The following ZSWIM6 variants were observed in gnomAD, a reference collection of about 807,000 sequenced individuals.
ZSWIM6 encodes zinc finger SWIM-type containing 6.
Under a neutral mutation model 113.2 loss-of-function variants are expected in ZSWIM6, and 9 were observed. The observed-to-expected ratio is 0.08, with a 90% CI of 0.05 to 0.14. The LOEUF (loss-of-function observed/expected upper bound fraction) is 0.14. Among genes scored for constraint, ZSWIM6 ranks in the 10% least tolerant of loss-of-function variants. The pLI is 1.00. For synonymous variants in ZSWIM6, 611 were observed against 606.5 expected, an observed-to-expected ratio of 1.01 and a Z score of -0.11; for missense variants, 1,162 against 1,552.2, an observed-to-expected ratio of 0.75 and a Z score of 4.22.
At chr5:61,411,666 T>G (rs1390639284) in intron 1 of ZSWIM6, among the ~76,000 whole-genome samples, 1 of 152,190 alleles carries the variant, frequency 6.6e-6, no homozygotes, top group Non-Finnish European at 1.5e-5. Flanking sequence ...AAGATCAAGG[T>G]GCCATCAGAT....
chr5:61,333,006 G>GT (rs1744298624), intron 1 of ZSWIM6, 58 bp downstream of exon 1: 1 of 684,872 alleles, frequency 1.5e-6, no homozygotes, highest in Non-Finnish European at 1.9e-6. Context: ...GGGTGGGGGG[G>GT]GGGTGCCCGC....
chr5:61,402,034 G>A (rs975716410), intron 1 of ZSWIM6, among the ~76,000 whole-genome samples: 4 of 151,830 alleles, frequency 2.6e-5, no homozygotes, highest in Non-Finnish European at 5.9e-5. Context: ...AGGGGTAAAA[G>A]GAGAGACTGA....
At position 61,504,034 on chromosome 5, in the gene ZSWIM6, T is replaced by C. The variant is rs59240787; in HGVS notation, c.1333+9624T>C. Among the ~76,000 whole-genome samples the C allele has an allele frequency of 1.1e-4, 16 of 152,314 alleles. No individual in the cohort carries two copies. In the East Asian group the frequency reaches 2.3e-3, roughly 22 times the overall value. ...ATGTGCCTGATATTATAATTGAAGC[T>C]CAGTAAATATTTGTGAATTAAAAAG... On this transcript the variant is annotated intron_variant, in intron 4 of 13. Coordinates refer to ENST00000252744, the MANE Select transcript of ZSWIM6 (RefSeq NM_020928.2).
chr5:61,475,104 A>G (rs1401950633), intron 2 of ZSWIM6, among the ~76,000 whole-genome samples: 1 of 152,220 alleles, frequency 6.6e-6, no homozygotes, highest in Non-Finnish European at 1.5e-5. Context: ...GCTAATGGTC[A>G]TCCCAGAGAT....
chr5:61,346,791 T>A (rs1264921621), intron 1 of ZSWIM6, among the ~76,000 whole-genome samples: 2 of 152,254 alleles, frequency 1.3e-5, no homozygotes, highest in African/African-American at 4.8e-5. Context: ...TTGTTTAAGC[T>A]GTTTCATAAA....
chr5:61,398,399 C>A (rs1745882078), intron 1 of ZSWIM6, among the ~76,000 whole-genome samples: 2 of 152,168 alleles, frequency 1.3e-5, no homozygotes, highest in Admixed American at 6.5e-5. Flanking sequence ...CCCCCTACCC[C>A]TAGTTCATGG....
chr5:61,429,068 A>C (rs555309442), intron 1 of ZSWIM6, among the ~76,000 whole-genome samples: 57 of 152,370 alleles, frequency 3.7e-4, no homozygotes, highest in African/African-American at 1.3e-3. Flanking sequence ...CATTTTATGT[A>C]AATGGCAGGG....
intron 4 of ZSWIM6, among the ~76,000 whole-genome samples, chr5:61,516,173 G>T (rs538434419): frequency 6.6e-6 from 1 of 151,058 alleles, no homozygotes; most frequent in South Asian, 2.1e-4. Context: ...TTATTGATGT[G>T]GTTGTTGAAT....
rs373808727 is a variant in ZSWIM6, at chr5:61,543,662, C to G, written c.2993C>G (p.Ser998Cys). 1.7e-5 allele frequency: 27 copies of G among 1,551,644 alleles called. No homozygotes were observed. The highest frequency in any genetic ancestry group is 2.3e-5 in the Non-Finnish European group (26 of 1,147,020). Residue 998 changes from serine to cysteine, a missense_variant, in exon 14 of 14, where the codon TCT (serine) becomes TGT (cysteine). This residue lies in a region of ZSWIM6 where 620 missense variants were observed against 804.6 expected (regional missense o/e 0.77). Transcript: ENST00000252744. The surrounding 1 kb of genome is among the most constrained non-coding windows in gnomAD (Gnocchi z 4.3). ...AAGGATCCACAGAACTGTGCCCTCT[C>G]TGCGCTAACCCTTTGTGAAAAGGAT... Reference protein sequence around the residue: ...AMKDPQNCALSALTLCEKDHI... With the variant: ...AMKDPQNCALCALTLCEKDHI...
chr5:61,445,265 A>G (rs371078295), intron 1 of ZSWIM6, among the ~76,000 whole-genome samples: 24 of 152,212 alleles, frequency 1.6e-4, no homozygotes, highest in South Asian at 2.1e-4. Flanking sequence ...CAGTCTTGGA[A>G]ATTCAGTATG....
chr5:61,384,247 CAA>C (rs57899277), intron 1 of ZSWIM6, among the ~76,000 whole-genome samples: 21,346 of 76,442 alleles, frequency 0.28, 1,081 homozygotes, highest in South Asian at 0.38. Flanking sequence ...GACTCCGTCT[CAA>C]AAAAAAAAAA....
intron 1 of ZSWIM6, among the ~76,000 whole-genome samples, chr5:61,356,796 A>G (rs1167820883): frequency 1.4e-5 from 2 of 141,834 alleles, no homozygotes; most frequent in African/African-American, 5.2e-5. Flanking sequence ...TTTATATATA[A>G]TATAAATATA....
At chr5:61,452,869 C>A (rs555729203) in intron 1 of ZSWIM6, among the ~76,000 whole-genome samples, 1 of 152,294 alleles carries the variant, frequency 6.6e-6, no homozygotes, top group East Asian at 1.9e-4. Context: ...TTTCTCCAGT[C>A]TACAACAACT....
chr5:61,455,061 T>G (rs1369075975), intron 1 of ZSWIM6, among the ~76,000 whole-genome samples: 1 of 152,048 alleles, frequency 6.6e-6, no homozygotes, highest in Non-Finnish European at 1.5e-5. Context: ...AAAAAATAGG[T>G]ATTTGTCTTG....
At chr5:61,438,023 A>G (rs773786257) in intron 1 of ZSWIM6, among the ~76,000 whole-genome samples, 8 of 152,146 alleles carry the variant, frequency 5.3e-5, no homozygotes, top group African/African-American at 1.4e-4. Flanking sequence ...CCTGCTGAGT[A>G]TGAAGGTTCA....
intron 1 of ZSWIM6, among the ~76,000 whole-genome samples, chr5:61,456,488 A>G (rs994697566): frequency 6.6e-6 from 1 of 152,230 alleles, no homozygotes; most frequent in Non-Finnish European, 1.5e-5. Context: ...TTATTCTTAG[A>G]GTAACTGCAG....
chr5:61,480,750 A>AT (rs1040653195), intron 2 of ZSWIM6, among the ~76,000 whole-genome samples: 26 of 151,974 alleles, frequency 1.7e-4, no homozygotes, highest in Non-Finnish European at 4.4e-5. Context: ...AAAGAAAGAC[A>AT]TTTTTTTGAG....
intron 1 of ZSWIM6, among the ~76,000 whole-genome samples, chr5:61,449,240 T>A (rs1203961927): frequency 6.6e-6 from 1 of 152,216 alleles, no homozygotes; most frequent in Non-Finnish European, 1.5e-5. Context: ...CATTTATTTT[T>A]GTTTGAGTTC....
chr5:61,451,168 G>C (rs1260473568), intron 1 of ZSWIM6, among the ~76,000 whole-genome samples: 2 of 152,112 alleles, frequency 1.3e-5, no homozygotes, highest in Non-Finnish European at 2.9e-5. Flanking sequence ...GTTCAGCTGG[G>C]GGAACTTGAG....
Sources: gnomAD v4.1 joint callset for allele counts (sites outside exome capture counted in the v4.1 genomes callset) on GRCh38, gnomAD v4.1.1 for gene constraint, gnomAD v4.1.1 regional missense constraint, Gnocchi (gnomAD v3.1) non-coding constraint, MANE v1.5 for transcripts, NCBI Gene and HGNC (gene_info 2026-07-23, HGNC 2026-07-21) for gene names.